Variants in KLF13 observed in about 807,000 individuals in gnomAD.
KLF13 encodes the protein KLF transcription factor 13.
In KLF13, 8 loss-of-function variants were observed where a neutral mutation model predicts 16.7. The observed-to-expected ratio is 0.48, with a 90% CI of 0.28 to 0.87. KLF13 has a LOEUF of 0.87. KLF13 is among the 40% of genes least tolerant of loss of function. The probability of loss-of-function intolerance (pLI) is 0.10; values close to 1 mark genes in which losing one functional copy is unlikely to be tolerated. For missense variants in KLF13, 447 were observed against 452.2 expected (o/e 0.99, Z 0.10); for synonymous variants, 245 against 208.4 (o/e 1.18, Z -1.51).
chr15:31,333,484 A>G (rs567077259), intron 1 of KLF13, among the ~76,000 whole-genome samples: 1 of 152,310 alleles, frequency 6.6e-6, no homozygotes, highest in East Asian at 1.9e-4. Context: ...AGGGAGTAGT[A>G]TAGTGAACAC....
chr15:31,405,209 G>C (rs757514323), downstream of KLF13, among the ~76,000 whole-genome samples: 50 of 152,158 alleles, frequency 3.3e-4, no homozygotes, highest in Non-Finnish European at 5.1e-4. Flanking sequence ...AGCTACTCTG[G>C]AGGCTGAGGC....
At position 31,327,281 on chromosome 15, in the gene KLF13, C is replaced by A; in HGVS notation, c.69C>A (p.Val23=). 1.5e-6 allele frequency: 2 copies of A among 1,335,014 alleles called. No individual in the cohort carries two copies. The highest frequency in any genetic ancestry group is 1.8e-5 in the South Asian group (1 of 56,752). The allele number at this position is 1,335,014 out of a possible 1,614,324, so 82.7% of individuals were successfully genotyped here. The part of the protein sequence containing the change: ...ECLVSMSSRA[V]VHGPREGPES... ...TCGTGTCCATGTCGAGCCGCGCGGT[C>A]GTGCACGGGCCGCGGGAGGGGCCGG... Residue 23 remains valine, a synonymous_variant, in exon 1 of 2, where the codon GTC becomes GTA. Coordinates refer to ENST00000307145, the MANE Select transcript of KLF13 (RefSeq NM_015995.4).
chr15:31,380,585 C>T (rs1303828647), downstream of KLF13, among the ~76,000 whole-genome samples: 2 of 152,178 alleles, frequency 1.3e-5, no homozygotes. Context: ...GGTTTGGCTG[C>T]AGAAGGTCTT....
intron 1 of KLF13, 94 bp from the exon 2 acceptor site, chr15:31,371,916 A>T: frequency 7.3e-7 from 1 of 1,368,938 alleles, no homozygotes; most frequent in Non-Finnish European, 9.9e-7. Flanking sequence ...GGGTGTTGAG[A>T]GACCAGGGTG....
chr15:31,392,205 G>C (rs919169903), upstream of KLF13, among the ~76,000 whole-genome samples: 4 of 152,242 alleles, frequency 2.6e-5, no homozygotes, highest in Non-Finnish European at 5.9e-5. Context: ...GGCGAGCTCA[G>C]ATGACACAAG....
At chr15:31,344,058 G>A (rs2039073296) in intron 1 of KLF13, among the ~76,000 whole-genome samples, 2 of 152,168 alleles carry the variant, frequency 1.3e-5, no homozygotes, top group Non-Finnish European at 2.9e-5. Context: ...TGTCAGGGGT[G>A]ACTTTGGCCC....
At position 31,423,129 on chromosome 15, in the gene KLF13, ATACGTATACG is replaced by A. The variant is rs1460649941; in HGVS notation, n.118-12238_118-12229del. Among the ~76,000 whole-genome samples, 338 of 110,840 alleles carry A rather than the reference ATACGTATACG, an allele frequency of 3.0e-3. 19 individuals carry two copies. Among genetic ancestry groups the A allele is most frequent in the African/African-American group, 0.014 (311 of 21,666 alleles). 72.7% of individuals were successfully genotyped at this position (110,840 alleles called of 152,430 possible). On this transcript the variant is annotated intron_variant and non_coding_transcript_variant, in intron 1 of 1. Transcript: ENST00000558225. ...TACGTATACGTATATATACGTATAT[ATACGTATACG>A]TATACGTATATATACGTATATATAT... is the stretch of plus-strand genomic sequence containing the variant.
chr15:31,353,259 C>T (rs910045467), intron 1 of KLF13, among the ~76,000 whole-genome samples: 2 of 152,178 alleles, frequency 1.3e-5, no homozygotes, highest in Non-Finnish European at 2.9e-5. Context: ...GTGTTTACAG[C>T]CGCCTGTGCT....
intron 2 of KLF13, among the ~76,000 whole-genome samples, chr15:31,401,299 C>T (rs7171213): frequency 0.92 from 140,501 of 152,338 alleles, 64,883 homozygotes; most frequent in East Asian, 1. Context: ...TGCACCCGGC[C>T]GAGACAAAAT....
intron 1 of KLF13, among the ~76,000 whole-genome samples, chr15:31,363,010 G>C (rs1260141788): frequency 6.6e-6 from 1 of 152,242 alleles, no homozygotes; most frequent in African/African-American, 2.4e-5. Context: ...ATCCCGTTTT[G>C]TAGGTGTGCA....
chr15:31,392,015 G>T (rs1287296637), upstream of KLF13, among the ~76,000 whole-genome samples: 2 of 151,888 alleles, frequency 1.3e-5, no homozygotes, highest in South Asian at 2.1e-4. Context: ...GAGCCCGGCC[G>T]GGCCATTCAC....
At chr15:31,388,150 A>C (rs1246979318), upstream of KLF13, among the ~76,000 whole-genome samples, 1 of 152,146 alleles carries the variant, frequency 6.6e-6, no homozygotes, top group Non-Finnish European at 1.5e-5. Flanking sequence ...GGTGGTTATT[A>C]TTCTTCTCAT....
At chr15:31,382,568 A>AGCT (rs563561434), downstream of KLF13, among the ~76,000 whole-genome samples, 737 of 152,342 alleles carry the variant, frequency 4.8e-3, 5 homozygotes, top group Middle Eastern at 0.014. Flanking sequence ...CTGGTGACTT[A>AGCT]GCATTTTTCT....
intron 1 of KLF13, among the ~76,000 whole-genome samples, chr15:31,329,722 T>A (rs1275237468): frequency 6.6e-6 from 1 of 152,218 alleles, no homozygotes; most frequent in Non-Finnish European, 1.5e-5. Context: ...GACCAACCCT[T>A]TGAGTGTCTG....
chr15:31,353,296 C>T (rs2039245060), intron 1 of KLF13, among the ~76,000 whole-genome samples: 1 of 152,200 alleles, frequency 6.6e-6, no homozygotes, highest in Non-Finnish European at 1.5e-5. Flanking sequence ...GGAAGTCACG[C>T]CCACGTTAAG....
At chr15:31,368,887 C>CA (rs202024210) in intron 1 of KLF13, among the ~76,000 whole-genome samples, 22 of 151,734 alleles carry the variant, frequency 1.4e-4, no homozygotes, top group Admixed American at 3.9e-4. Flanking sequence ...GAGCTTGCAA[C>CA]AAAAAAAATC....
chr15:31,336,634 T>C (rs1298271132), intron 1 of KLF13, among the ~76,000 whole-genome samples: 1 of 152,152 alleles, frequency 6.6e-6, no homozygotes, highest in Non-Finnish European at 1.5e-5. Context: ...TTAAAGTTGA[T>C]GGCAGAGCAT....
chr15:31,367,029 G>T (rs1034939085), intron 1 of KLF13, among the ~76,000 whole-genome samples: 1 of 152,226 alleles, frequency 6.6e-6, no homozygotes, highest in Non-Finnish European at 1.5e-5. Flanking sequence ...TTTCTAATAC[G>T]ATGAAAGCAG....
At chr15:31,428,037 A>T (rs1595516750) in intron 1 of KLF13, among the ~76,000 whole-genome samples, 2 of 152,178 alleles carry the variant, frequency 1.3e-5, no homozygotes, top group Admixed American at 1.3e-4. Context: ...CCATTCTTTT[A>T]AAAAAAGACA....
Sources: gnomAD v4.1 joint callset for allele counts (sites outside exome capture counted in the v4.1 genomes callset) on GRCh38, gnomAD v4.1.1 for gene constraint, MANE v1.5 for transcripts, NCBI Gene and HGNC (gene_info 2026-07-23, HGNC 2026-07-21) for gene names.